The following ADAM15 variants were observed in gnomAD, a reference collection of about 807,000 sequenced individuals.
ADAM15 encodes the protein ADAM metallopeptidase domain 15.
A neutral mutation model predicts 113.8 loss-of-function variants in ADAM15; 77 were observed. The observed-to-expected ratio is 0.68, with a 90% confidence interval of 0.56 to 0.82. The LOEUF (loss-of-function observed/expected upper bound fraction) is 0.82. ADAM15 is among the 40% of genes least tolerant of loss of function. The pLI is 0.00. For synonymous variants in ADAM15, 388 were observed against 454.1 expected, an observed-to-expected ratio of 0.85 and a Z score of 1.85; for missense variants, 963 against 1,120.1, an observed-to-expected ratio of 0.86 and a Z score of 2.00.
At chr1:155,059,568 G>A (rs1416115313) in intron 16 of ADAM15, among the ~76,000 whole-genome samples, 1 of 152,146 alleles carries the variant, frequency 6.6e-6, no homozygotes, top group Admixed American at 6.5e-5. Context: ...GTTTGGGGCT[G>A]CAGTGAGCCA....
At chr1:155,054,267 G>A (rs1241721560) in intron 5 of ADAM15, 41 bp downstream of exon 5, 34 of 1,584,664 alleles carry the variant, frequency 2.1e-5, no homozygotes, top group Non-Finnish European at 2.8e-5. Flanking sequence ...AAAGTAAGGA[G>A]ACCCAGGCAT....
At chr1:155,059,825 T>G (rs2102418353) in intron 16 of ADAM15, 77 bp from the exon 17 acceptor site, 655 of 1,449,634 alleles carry the variant, frequency 4.5e-4, no homozygotes, top group Non-Finnish European at 5.9e-4. Context: ...TGTAGAAATC[T>G]GAGATCTTGA....
Position 155,054,388 on chromosome 1 carries a change from T to G in ADAM15, c.494T>G (p.Ile165Ser). 6.2e-7 allele frequency: 1 copy of G among 1,611,944 alleles called. No individual in the cohort carries two copies. ...QGPGDLQGPPIISRIQDLHLP... is the reference protein window; with the variant it reads ...QGPGDLQGPPSISRIQDLHLP... Reference sequence around the variant, plus strand: ...CCTGGGGACCTTCAGGGTCCTCCCATTATTTCGCGAATCCAAGATCTCCAC... The same window carrying G: ...CCTGGGGACCTTCAGGGTCCTCCCAGTATTTCGCGAATCCAAGATCTCCAC... The change falls in exon 6 of 23, where the codon ATT (isoleucine) becomes AGT (serine). Residue 165 changes from isoleucine (I) to serine (S), a missense_variant. Physicochemically the swap from Ile to Ser is moderately radical, Grantham distance 142 (BLOSUM62 -2). Coordinates refer to ENST00000356955, the MANE Select transcript of ADAM15 (RefSeq NM_207197.3).
At chr1:155,055,718 T>G in intron 6 of ADAM15, 72 bp from the exon 7 acceptor site, 1 of 1,547,910 alleles carries the variant, frequency 6.5e-7, no homozygotes, top group Non-Finnish European at 8.9e-7. Context: ...AGTGGCTGCC[T>G]CTTGGTCAGC....
chr1:155,057,754 C>T lies in ADAM15; in HGVS notation c.1416+25C>T, dbSNP rs757850539. The T allele has an allele frequency of 1.2e-6, 2 of 1,614,074 alleles. No homozygotes were observed. Among genetic ancestry groups the T allele is most frequent in the East Asian group, 4.5e-5 (2 of 44,886 alleles). On this transcript the variant is annotated intron_variant, in intron 13 of 22. Transcript: ENST00000356955. This position sits in a 1 kb window ranked among gnomAD's most constrained non-coding sequence, Gnocchi z 5.0. ...GGTGGGTAGAGACTAGACTGGCCAC[C>T]CGGAGCTCACCTGCCGGGGCCAAGG...
In ADAM15 at chr1:155,061,432, C is replaced by A; in HGVS notation, c.2295C>A (p.Ser765Arg). ...ARGTKQASAL[S>R]FPAPPSRPLP... ...CCTCTCAGCAGGCTAGTGCTCTCAG[C>A]TTCCCGGCCCCCCCTTCCAGGCCGC... Residue 765 changes from serine (S) to arginine (R), a missense_variant, in exon 20 of 23, where the codon AGC becomes AGA. Coordinates refer to ENST00000356955, the MANE Select transcript of ADAM15 (RefSeq NM_207197.3). 1 of 1,613,824 alleles carries A rather than the reference C, an allele frequency of 6.2e-7. No homozygotes were observed. The highest frequency in any genetic ancestry group is 8.5e-7 in the Non-Finnish European group (1 of 1,179,884).
At position 155,062,670 on chromosome 1, in the gene ADAM15, G is replaced by A; in HGVS notation, c.*168G>A. ...AACACTCTGCGGACCTGCCGGCGTA[G>A]TTGCAGCGGGGGCTTGGGGAGGGGC... On this transcript the variant is annotated 3_prime_UTR_variant, in exon 23 of 23. Coordinates refer to ENST00000356955, the MANE Select transcript of ADAM15 (RefSeq NM_207197.3). This position sits in a 1 kb window ranked among gnomAD's most constrained non-coding sequence, Gnocchi z 7.0. The A allele has an allele frequency of 1.0e-6, 1 of 967,234 alleles. No homozygotes were observed. Among genetic ancestry groups the A allele is most frequent in the South Asian group, 1.7e-5 (1 of 59,374 alleles). The allele number at this position is 967,234 out of a possible 1,614,324, so 59.9% of individuals were successfully genotyped here. A position where few individuals can be genotyped will look rare whatever the true frequency, so the allele number is the denominator to read the frequency against.
At chr1:155,060,622 C>T in intron 18 of ADAM15, 141 bp from the exon 19 acceptor site, 2 of 978,750 alleles carry the variant, frequency 2.0e-6, no homozygotes, top group Non-Finnish European at 3.1e-6. Context: ...TAAATACTGC[C>T]CCCCACCCCG....
At position 155,060,809 on chromosome 1, in the gene ADAM15, G is replaced by A. The variant is rs763474828; in HGVS notation, c.2254G>A (p.Ala752Thr). Reference sequence around the variant, plus strand: ...TGAACGGCCAGGACCTCCGCAGAGGGCCCTGCTGGCACGAGGCACTAAGGT... The same window carrying A: ...TGAACGGCCAGGACCTCCGCAGAGGACCCTGCTGGCACGAGGCACTAAGGT... ...PSERPGPPQRALLARGTKQAS... is the reference protein window; with the variant it reads ...PSERPGPPQRTLLARGTKQAS... Residue 752 changes from alanine (A) to threonine (T), a missense_variant, in exon 19 of 23, where the codon GCC becomes ACC. By Grantham distance (58) the Ala-to-Thr change is moderately conservative (BLOSUM62 0). Transcript: ENST00000356955. The A allele has an allele frequency of 6.2e-7, 1 of 1,612,554 alleles. No homozygotes were observed. Among genetic ancestry groups the A allele is most frequent in the Admixed American group, 1.7e-5 (1 of 60,024 alleles).
Position 155,060,261 on chromosome 1 carries a change from G to T in ADAM15, c.2125G>T (p.Val709Leu). 1 of 1,614,080 alleles carries T rather than the reference G, an allele frequency of 6.2e-7. No homozygotes were observed. Among genetic ancestry groups the T allele is most frequent in the Non-Finnish European group, 8.5e-7 (1 of 1,179,994 alleles). ...LLSLLVLLVLVMLGASYWYRA... is the reference protein window; with the variant it reads ...LLSLLVLLVLLMLGASYWYRA... ...CAGCCTCCTGGTCTTATTGGTCCTG[G>T]TGATGCTTGGTGCCAGCTACTGGTA... The change falls in exon 18 of 23, where the codon GTG becomes TTG. Residue 709 changes from valine to leucine, a missense_variant. Val to Leu is a conservative substitution (Grantham distance 32). Transcript: ENST00000356955.
At chr1:155,053,107 A>ACCCCCCCCCCCCCCC (rs5777934) in intron 2 of ADAM15, among the ~76,000 whole-genome samples, 1 of 102,294 alleles carries the variant, frequency 9.8e-6, no homozygotes, top group African/African-American at 3.8e-5. Context: ...ACCTTACCAA[A>ACCCCCCCCCCCCCCC]CCCCCCCCCC....
rs1259204519 is a variant in ADAM15, at chr1:155,058,024, G to A, written c.1590G>A (p.Gln530=). 1 of 1,614,070 alleles carries A rather than the reference G, an allele frequency of 6.2e-7. No homozygotes were observed. The highest frequency in any genetic ancestry group is 8.5e-7 in the Non-Finnish European group (1 of 1,180,050). Residue 530 remains glutamine (Q), a synonymous_variant, in exon 14 of 23, where the codon CAG becomes CAA. Transcript: ENST00000356955. This position sits in a 1 kb window ranked among gnomAD's most constrained non-coding sequence, Gnocchi z 4.3. ...MHGRCASYAQ[Q]CQSLWGPGAQ... Reference sequence around the variant, plus strand: ...GGCGTTGTGCCTCCTATGCCCAGCAGTGCCAGTCACTTTGGGGACCTGGAG... The same window carrying A: ...GGCGTTGTGCCTCCTATGCCCAGCAATGCCAGTCACTTTGGGGACCTGGAG...
rs1662770055 is a variant in ADAM15 at position 155,062,363 on chromosome 1, C to T, written c.2543C>T (p.Pro848Leu). The T allele has an allele frequency of 6.3e-7, 1 of 1,594,844 alleles. No homozygotes were observed. The highest frequency in any genetic ancestry group is 8.5e-7 in the Non-Finnish European group (1 of 1,170,834). Residue 848 changes from proline to leucine, a missense_variant, in exon 22 of 23, where the codon CCC (proline) becomes CTC (leucine). Physicochemically the swap from Pro to Leu is moderately conservative, Grantham distance 98. Transcript: ENST00000356955. This position sits in a 1 kb window ranked among gnomAD's most constrained non-coding sequence, Gnocchi z 7.0. ...GCTGGAATCCCGCCCCTAGTGGTAC[C>T]CTCCAGGTAGGAGGAGCCCTGGGCA... ...PGAGIPPLVV[P>L]SRPAPPPPTV...
intron 6 of ADAM15, 146 bp from the exon 7 acceptor site, chr1:155,055,644 C>G (rs986244324): frequency 2.1e-5 from 17 of 826,062 alleles, no homozygotes; most frequent in Non-Finnish European, 3.2e-5. Context: ...CCTGGGCCCT[C>G]TGGCCTTCAG....
intron 16 of ADAM15, among the ~76,000 whole-genome samples, chr1:155,059,007 G>T (rs2102414643): frequency 6.6e-6 from 1 of 152,326 alleles, no homozygotes. Flanking sequence ...AGATGAGTAT[G>T]AAAGCATCTA....
Position 155,058,431 on chromosome 1 carries a change from G to A in ADAM15, c.1907G>A (p.Gly636Asp). The change falls in exon 15 of 23, where the codon GGC (glycine) becomes GAC (aspartate). Residue 636 changes from glycine (G) to aspartate (D), a missense_variant. Physicochemically the swap from Gly to Asp is moderately conservative, Grantham distance 94. Coordinates refer to ENST00000356955, the MANE Select transcript of ADAM15 (RefSeq NM_207197.3). The surrounding 1 kb of genome is among the most constrained non-coding windows in gnomAD (Gnocchi z 4.3). ...CTGACTCTGCCTGGCACAGCCTGTG[G>A]CCCTGGCCTGGTGAGCAGCCTGGGT... Reference protein sequence around the residue: ...PLLTLPGTACGPGLVCIDHRC... With the variant: ...PLLTLPGTACDPGLVCIDHRC... 2 of 1,611,744 alleles carry A rather than the reference G, an allele frequency of 1.2e-6. No homozygotes were observed. The highest frequency in any genetic ancestry group is 1.7e-6 in the Non-Finnish European group (2 of 1,180,002).
intron 6 of ADAM15, among the ~76,000 whole-genome samples, 200 bp downstream of exon 6, chr1:155,054,706 G>A (rs1322758780): frequency 2.0e-5 from 3 of 151,960 alleles, no homozygotes; most frequent in Non-Finnish European, 2.9e-5. Flanking sequence ...TTAAAATGAC[G>A]AAACCTTACA....
chr1:155,057,486 C>T lies in ADAM15; in HGVS notation c.1323+124C>T, dbSNP rs537912869. The T allele has an allele frequency of 2.6e-5, 39 of 1,494,696 alleles. No homozygotes were observed. In the African/African-American group the frequency reaches 4.4e-4, roughly 17 times the overall value. The allele number at this position is 1,494,696 out of a possible 1,614,324, so 92.6% of individuals were successfully genotyped here. On this transcript the variant is annotated intron_variant, in intron 12 of 22. Coordinates refer to ENST00000356955, the MANE Select transcript of ADAM15 (RefSeq NM_207197.3). This position sits in a 1 kb window ranked among gnomAD's most constrained non-coding sequence, Gnocchi z 5.0. The stretch of plus-strand genomic sequence containing the variant: ...GACTTTCCACCCCTCTCCTACTTGC[C>T]CTGTCTGTGGGGACAGCACATGGGT...
At chr1:155,060,954 C>G in intron 19 of ADAM15, 122 bp downstream of exon 19, 1 of 986,680 alleles carries the variant, frequency 1.0e-6, no homozygotes, top group Non-Finnish European at 1.5e-6. Context: ...AAGAGTCAGT[C>G]GAAGGAGTCA....
Sources: gnomAD v4.1 joint callset for allele counts (sites outside exome capture counted in the v4.1 genomes callset) on GRCh38, gnomAD v4.1.1 for gene constraint, Gnocchi (gnomAD v3.1) non-coding constraint, MANE v1.5 for transcripts, NCBI Gene and HGNC (gene_info 2026-07-23, HGNC 2026-07-21) for gene names.